GSE1: variants seen among roughly 807,000 people sequenced by gnomAD.
GSE1 encodes genetic suppressor element 1.
Under a neutral mutation model 112.6 loss-of-function variants are expected in GSE1, and 32 were observed. The observed-to-expected ratio is 0.28, with a 90% CI of 0.21 to 0.38. The LOEUF (loss-of-function observed/expected upper bound fraction) is 0.38, where lower values mean the gene tolerates loss of function less well. Ranked by LOEUF, GSE1 falls within the 10% of genes least tolerant of loss-of-function variation. GSE1 has a pLI of 1.00. For missense variants in GSE1, 2,348 were observed against 1,699.2 expected, an observed-to-expected ratio of 1.38 and a Z score of -6.71; for synonymous variants, 1,115 against 735.6, an observed-to-expected ratio of 1.52 and a Z score of -8.35.
At chr16:85,367,268 G>A (rs892747204) in intron 2 of GSE1, among the ~76,000 whole-genome samples, 16 of 152,190 alleles carry the variant, frequency 1.1e-4, no homozygotes, top group African/African-American at 3.6e-4. Context: ...ACTTCACCAC[G>A]GCTCCGATCT....
intron 1 of GSE1, among the ~76,000 whole-genome samples, chr16:85,253,080 C>A (rs1024293519): frequency 2.5e-5 from 3 of 121,798 alleles, no homozygotes; most frequent in South Asian, 3.6e-4. Flanking sequence ...CCCCCCCCCC[C>A]CCACCAGCAG....
Position 85,473,984 on chromosome 16 carries a change from G to C in GSE1, c.2464+116341G>C, listed in dbSNP as rs112681166. On this transcript the variant is annotated intron_variant, in intron 2 of 2. Coordinates refer to the GSE1 transcript ENST00000637419. ...AACAGCCTGGGGGCCGAAGGCCCTG[G>C]GGGGCAGCAGGCCTGAAACCAGCAC... Among the ~76,000 whole-genome samples the C allele has an allele frequency of 2.2e-3, 335 of 150,830 alleles. 1 individual carries two copies. The highest frequency in any genetic ancestry group is 0.014 in the Middle Eastern group (4 of 292).
intron 1 of GSE1, among the ~76,000 whole-genome samples, chr16:85,211,932 T>C (rs1378679705): frequency 6.6e-6 from 1 of 152,208 alleles, no homozygotes; most frequent in Non-Finnish European, 1.5e-5. Context: ...GGCTGAAGGC[T>C]TCTGTGTCAC....
rs534045058 is a variant in GSE1 at position 85,222,405 on chromosome 16, A to G, written c.2283+50598A>G. ...GAGGCTATGCCCCCTGCTTGCGTGAAATGGGGTCGGCACATTCCACTTGGG... is the reference window on the plus strand; with the variant it reads ...GAGGCTATGCCCCCTGCTTGCGTGAGATGGGGTCGGCACATTCCACTTGGG... On this transcript the variant is annotated intron_variant, in intron 1 of 2. Transcript: ENST00000637419. Among the ~76,000 whole-genome samples the G allele has an allele frequency of 2.0e-5, 3 of 152,260 alleles. No homozygotes were observed. In the East Asian group the frequency reaches 5.8e-4, roughly 29 times the overall value.
intron 1 of GSE1, among the ~76,000 whole-genome samples, chr16:85,233,415 G>A (rs909528618): frequency 6.6e-6 from 1 of 152,178 alleles, no homozygotes; most frequent in African/African-American, 2.4e-5. Context: ...GGGGTGGTTC[G>A]GCCTTTGGGG....
intron 1 of GSE1, among the ~76,000 whole-genome samples, chr16:85,335,367 C>T (rs992780468): frequency 3.9e-5 from 6 of 152,260 alleles, no homozygotes; most frequent in South Asian, 2.1e-4. Context: ...CCTCGGCAAG[C>T]GAGTGAGTTC....
At chr16:85,233,017 C>G (rs1417581857) in intron 1 of GSE1, among the ~76,000 whole-genome samples, 1 of 152,230 alleles carries the variant, frequency 6.6e-6, no homozygotes, top group Admixed American at 6.5e-5. Flanking sequence ...AGTCGGCAGT[C>G]GAGGGCAGGG....
chr16:85,173,764 C>T (rs975466645), intron 1 of GSE1, among the ~76,000 whole-genome samples: 1 of 152,330 alleles, frequency 6.6e-6, no homozygotes, highest in South Asian at 2.1e-4. Context: ...AAGAAGCCGC[C>T]GTTTCCCAGG....
chr16:85,559,322 C>G (rs1344727861), intron 1 of GSE1, among the ~76,000 whole-genome samples: 1 of 152,208 alleles, frequency 6.6e-6, no homozygotes, highest in Non-Finnish European at 1.5e-5. Context: ...AGTGGCGGAG[C>G]TGGGACATGA....
intron 1 of GSE1, among the ~76,000 whole-genome samples, chr16:85,256,153 G>A (rs1907052607): frequency 6.6e-6 from 1 of 152,210 alleles, no homozygotes; most frequent in South Asian, 2.1e-4. Flanking sequence ...GGGAGGGGAC[G>A]CCAACAGGGT....
intron 2 of GSE1, among the ~76,000 whole-genome samples, chr16:85,404,025 G>C (rs1261173141): frequency 1.3e-5 from 2 of 148,822 alleles, no homozygotes; most frequent in Admixed American, 6.8e-5. Context: ...TCCTTACGGG[G>C]CCTTTCCTCT....
At chr16:85,537,245 A>C (rs778128642) in intron 2 of GSE1, among the ~76,000 whole-genome samples, 3 of 152,178 alleles carry the variant, frequency 2.0e-5, no homozygotes, top group Non-Finnish European at 4.4e-5. Flanking sequence ...TCCCCATGAC[A>C]ACAGACCATC....
chr16:85,426,181 T>C (rs1187986359), intron 2 of GSE1, among the ~76,000 whole-genome samples: 2 of 116,610 alleles, frequency 1.7e-5, no homozygotes, highest in Non-Finnish European at 3.5e-5. Context: ...GATGGATGTA[T>C]AGTGGATAGA....
chr16:85,251,956 G>A (rs1327012132), intron 1 of GSE1, among the ~76,000 whole-genome samples: 1 of 152,238 alleles, frequency 6.6e-6, no homozygotes, highest in Admixed American at 6.5e-5. Flanking sequence ...CCATGAACAG[G>A]TAGGAACTGC....
chr16:85,640,475 C>T (rs1030512555), intron 2 of GSE1, among the ~76,000 whole-genome samples: 1 of 152,234 alleles, frequency 6.6e-6, no homozygotes, highest in African/African-American at 2.4e-5. Context: ...CTGGTGGTGT[C>T]TGCTGGCTGC....
intron 1 of GSE1, among the ~76,000 whole-genome samples, chr16:85,276,865 A>G (rs1909418032): frequency 6.6e-6 from 1 of 152,216 alleles, no homozygotes; most frequent in African/African-American, 2.4e-5. Context: ...AGGTGTCCTC[A>G]GACTCCTGTG....
intron 1 of GSE1, among the ~76,000 whole-genome samples, chr16:85,266,873 C>T (rs538505619): frequency 1.3e-5 from 2 of 152,216 alleles, no homozygotes; most frequent in African/African-American, 4.8e-5. Context: ...GGAGTGGAAA[C>T]CGACCTCCAC....
chr16:85,205,623 C>T (rs954042720), intron 1 of GSE1, among the ~76,000 whole-genome samples: 3 of 151,590 alleles, frequency 2.0e-5, no homozygotes, highest in Admixed American at 1.3e-4. Flanking sequence ...GGCTCCAGGG[C>T]TCTACACTGG....
At chr16:85,394,943 C>T (rs1046816001) in intron 2 of GSE1, among the ~76,000 whole-genome samples, 1 of 152,184 alleles carries the variant, frequency 6.6e-6, no homozygotes, top group African/African-American at 2.4e-5. Context: ...AGGCTAGAGG[C>T]ATCCAGGGAA....
Sources: gnomAD v4.1 joint callset for allele counts (sites outside exome capture counted in the v4.1 genomes callset) on GRCh38, gnomAD v4.1.1 for gene constraint, MANE v1.5 for transcripts, NCBI Gene and HGNC (gene_info 2026-07-23, HGNC 2026-07-21) for gene names.